The following RGS7 variants were observed in gnomAD, a reference collection of about 807,000 sequenced individuals.
The protein encoded by RGS7 is regulator of G protein signaling 7.
RGS7 carries 27 observed loss-of-function variants against 81.1 expected under a neutral mutation model. The observed-to-expected ratio is 0.33, with a 90% CI of 0.25 to 0.46. The LOEUF is 0.46. RGS7 is among the 20% of genes least tolerant of loss of function. RGS7 has a pLI of 1.00. For synonymous variants in RGS7, 208 were observed against 207.7 expected (o/e 1.00, Z -0.01); for missense variants, 396 against 607.4 (o/e 0.65, Z 3.66).
chr1:241,190,946 T>G (rs1234154790), intron 2 of RGS7, among the ~76,000 whole-genome samples: 1 of 152,168 alleles, frequency 6.6e-6, no homozygotes, highest in African/African-American at 2.4e-5. Flanking sequence ...GCAGAGGGGA[T>G]AGATGTTCTT....
chr1:241,284,014 C>T (rs998011774), intron 2 of RGS7, among the ~76,000 whole-genome samples: 5 of 152,072 alleles, frequency 3.3e-5, no homozygotes, highest in Non-Finnish European at 4.4e-5. Flanking sequence ...TATTTATTTA[C>T]TGAGGCTTTC....
rs11437342 is a variant in RGS7, at chr1:240,985,441, CT to C, written c.176-2313del. 2.6e-5 allele frequency among the ~76,000 whole-genome samples: 4 copies of C among 151,116 alleles called. No individual in the cohort carries two copies. In the South Asian group the frequency reaches 6.3e-4, roughly 24 times the overall value. ...GTTCTGTTACGCTTTCTTTCCTTTT[CT>C]TTTTTTTTCTGGGCAGAAAGAAATA... On this transcript the variant is annotated intron_variant, in intron 3 of 18. Coordinates refer to ENST00000440928, the MANE Select transcript of RGS7 (RefSeq NM_001364886.1).
intron 3 of RGS7, among the ~76,000 whole-genome samples, chr1:241,003,085 G>A (rs886734129): frequency 1.3e-5 from 2 of 152,046 alleles, no homozygotes; most frequent in African/African-American, 4.8e-5. Context: ...TGGTATACTC[G>A]CAAATAAATG....
chr1:240,898,132 C>T (rs192244587), intron 6 of RGS7, among the ~76,000 whole-genome samples: 1 of 152,024 alleles, frequency 6.6e-6, no homozygotes, highest in Admixed American at 6.6e-5. Context: ...GGTGATATAC[C>T]CTTTATCATT....
intron 3 of RGS7, among the ~76,000 whole-genome samples, chr1:241,058,082 G>A (rs372417845): frequency 5.9e-5 from 9 of 152,052 alleles, no homozygotes; most frequent in African/African-American, 2.2e-4. Context: ...GGAAAGGCAG[G>A]TTCCATATAG....
In RGS7 at chr1:241,357,159, C is replaced by G. The variant is rs548839017; in HGVS notation, c.-311G>C. 3.3e-5 allele frequency: 5 copies of G among 152,076 alleles called. No individual in the cohort carries two copies. The highest frequency in any genetic ancestry group is 5.9e-5 in the Non-Finnish European group (4 of 68,048). The allele number at this position is 152,076 out of a possible 1,614,324, so 9.4% of individuals were successfully genotyped here. On this transcript the variant is annotated 5_prime_UTR_variant, in exon 1 of 19. Transcript: ENST00000440928. ...CGCCTCGCTGGCTCTCTCCCTCCTC[C>G]GCTTCTTCTCCCGGGGACTGGGACC...
chr1:241,110,973 C>T (rs2065476121), intron 2 of RGS7, among the ~76,000 whole-genome samples: 1 of 152,122 alleles, frequency 6.6e-6, no homozygotes, highest in Non-Finnish European at 1.5e-5. Flanking sequence ...GAGTGAGCCA[C>T]CGTGCTTGGC....
intron 2 of RGS7, among the ~76,000 whole-genome samples, chr1:241,273,996 A>G (rs144767090): frequency 2.6e-5 from 4 of 152,278 alleles, no homozygotes; most frequent in African/African-American, 9.6e-5. Flanking sequence ...CTCTTCTCCT[A>G]TTAGTCCACC....
intron 13 of RGS7, 124 bp downstream of exon 13, chr1:240,813,494 T>C (rs1203317464): frequency 4.2e-6 from 3 of 709,520 alleles, no homozygotes; most frequent in Admixed American, 2.0e-5. Flanking sequence ...GAATGTTAGA[T>C]ATAGGCCAAT....
At chr1:240,911,006 TA>T (rs201112328) in intron 6 of RGS7, among the ~76,000 whole-genome samples, 1 of 151,886 alleles carries the variant, frequency 6.6e-6, no homozygotes, top group African/African-American at 2.4e-5. Context: ...CCTGGCCAAT[TA>T]AAAAAAAATT....
chr1:240,840,276 T>G (rs9782956), intron 9 of RGS7, among the ~76,000 whole-genome samples: 96,417 of 151,376 alleles, frequency 0.64, 30,767 homozygotes, highest in Middle Eastern at 0.78. Flanking sequence ...ACACTTTTCT[T>G]TTCTTTTTTT....
intron 3 of RGS7, among the ~76,000 whole-genome samples, chr1:241,031,843 T>C (rs1465703265): frequency 2.8e-5 from 4 of 143,482 alleles, no homozygotes; most frequent in Non-Finnish European, 4.5e-5. Flanking sequence ...TTTGTCATCG[T>C]TGATTATTTA....
Position 240,966,127 on chromosome 1 carries a change from A to G in RGS7, c.226+16952T>C, listed in dbSNP as rs548675578. ...TACTTTTCACAGGCATGAACCTGTCATTCTAGAAACACTAACCTACTCATT... is the reference window on the plus strand; with the variant it reads ...TACTTTTCACAGGCATGAACCTGTCGTTCTAGAAACACTAACCTACTCATT... On this transcript the variant is annotated intron_variant, in intron 4 of 18. Transcript: ENST00000440928. Among the ~76,000 whole-genome samples the G allele has an allele frequency of 2.1e-4, 32 of 152,292 alleles. 2 individuals carry two copies. The Middle Eastern group carries it at 0.02, about 97-fold the overall frequency.
At chr1:241,098,214 T>A (rs987433225) in intron 3 of RGS7, among the ~76,000 whole-genome samples, 1 of 152,172 alleles carries the variant, frequency 6.6e-6, no homozygotes, top group Admixed American at 6.5e-5. Context: ...CACTGTCGAG[T>A]TCGGTGAGCA....
intron 2 of RGS7, among the ~76,000 whole-genome samples, chr1:241,268,285 C>T (rs1438973677): frequency 6.6e-6 from 1 of 152,200 alleles, no homozygotes; most frequent in Admixed American, 6.5e-5. Context: ...TGCATTCAGC[C>T]CTGTCTGTCT....
chr1:241,052,294 G>A (rs1359196615), intron 3 of RGS7, among the ~76,000 whole-genome samples: 1 of 152,146 alleles, frequency 6.6e-6, no homozygotes, highest in Admixed American at 6.5e-5. Flanking sequence ...GGCTGCAAGC[G>A]ATCAAGGTTG....
At chr1:240,886,952 T>C (rs1002966931) in intron 6 of RGS7, among the ~76,000 whole-genome samples, 12 of 152,286 alleles carry the variant, frequency 7.9e-5, no homozygotes, top group African/African-American at 2.6e-4. Context: ...TCCTGTTAAC[T>C]ATGATATTGG....
intron 2 of RGS7, among the ~76,000 whole-genome samples, chr1:241,210,770 T>C (rs557428900): frequency 1.3e-5 from 2 of 152,352 alleles, no homozygotes; most frequent in South Asian, 4.1e-4. Flanking sequence ...ATGGGAATCA[T>C]GCCTCACTGA....
At chr1:240,819,306 T>C (rs1054542033) in intron 10 of RGS7, among the ~76,000 whole-genome samples, 4 of 152,156 alleles carry the variant, frequency 2.6e-5, no homozygotes, top group Non-Finnish European at 5.9e-5. Flanking sequence ...TAGGCGAAGA[T>C]TAAAAAAATA....
Sources: allele counts gnomAD v4.1 joint callset (sites outside exome capture counted in the v4.1 genomes callset), GRCh38; gene constraint gnomAD v4.1.1; transcripts MANE v1.5; gene names NCBI Gene and HGNC (gene_info 2026-07-23, HGNC 2026-07-21).